The following CDON variants were observed in gnomAD, a reference collection of about 807,000 sequenced individuals.
CDON encodes the protein cell adhesion associated, oncogene regulated, also known as cell adhesion molecule-related/down-regulated by oncogenes.
A neutral mutation model predicts 120.9 loss-of-function variants in CDON; 73 were observed. The observed-to-expected ratio is 0.60, with a 90% CI of 0.50 to 0.73. The LOEUF (loss-of-function observed/expected upper bound fraction) is 0.73. Ranked by LOEUF, CDON falls within the 30% of genes least tolerant of loss-of-function variation. The pLI is 0.00. For missense variants in CDON, 1,470 were observed against 1,587.3 expected, an observed-to-expected ratio of 0.93 and a Z score of 1.26; for synonymous variants, 566 against 573.5, an observed-to-expected ratio of 0.99 and a Z score of 0.19.
At chr11:126,009,051 C>A (rs1947214399) in intron 8 of CDON, among the ~76,000 whole-genome samples, 1 of 152,196 alleles carries the variant, frequency 6.6e-6, no homozygotes, top group South Asian at 2.1e-4. Context: ...ATACCTGTTA[C>A]ACAGATGAGG....
At chr11:126,020,893 G>A (rs931287140) in intron 3 of CDON, among the ~76,000 whole-genome samples, 44 of 151,872 alleles carry the variant, frequency 2.9e-4, no homozygotes, top group Non-Finnish European at 2.8e-4. Context: ...AGCTTTTGTT[G>A]TTAATGATAT....
intron 1 of CDON, among the ~76,000 whole-genome samples, chr11:126,032,075 T>C (rs1025075601): frequency 5.9e-5 from 9 of 152,160 alleles, no homozygotes; most frequent in Non-Finnish European, 1.0e-4. Flanking sequence ...TGAAAAGCAA[T>C]AGACATGCTT....
intron 1 of CDON, among the ~76,000 whole-genome samples, chr11:126,024,973 G>A (rs1947752524): frequency 6.6e-6 from 1 of 152,154 alleles, no homozygotes. Flanking sequence ...GGGAAGCTGA[G>A]GAAGGCGGAT....
rs544373654 is a variant in CDON, at chr11:126,057,214, T to G, written c.-62+5365A>C. Among the ~76,000 whole-genome samples, 12 of 152,316 alleles carry G rather than the reference T, an allele frequency of 7.9e-5. No individual in the cohort carries two copies. The East Asian group carries it at 2.1e-3, about 27-fold the overall frequency. The stretch of plus-strand genomic sequence containing the variant: ...TAGCCATTGGGATCTGATTTTCTAG[T>G]AATGTAGGAAGAAGTGTTATTTTCT... On this transcript the variant is annotated intron_variant, in intron 1 of 19. Coordinates refer to ENST00000531738, the MANE Select transcript of CDON (RefSeq NM_001378964.1).
At chr11:125,961,239 G>T in intron 19 of CDON, 134 bp from the exon 20 acceptor site, 1 of 829,376 alleles carries the variant, frequency 1.2e-6, no homozygotes, top group Non-Finnish European at 2.0e-6. Context: ...TTTGTGTGTG[G>T]TTTGAATTTG....
chr11:126,027,086 G>A (rs1480704497), intron 1 of CDON, among the ~76,000 whole-genome samples: 3 of 152,030 alleles, frequency 2.0e-5, no homozygotes, highest in African/African-American at 4.8e-5. Flanking sequence ...TACTCTCTAC[G>A]TGCTCTCAGT....
chr11:125,973,418 G>T (rs1475318846), intron 18 of CDON, among the ~76,000 whole-genome samples: 4 of 152,204 alleles, frequency 2.6e-5, no homozygotes, highest in Non-Finnish European at 5.9e-5. Context: ...TGTAATCCCA[G>T]CTACTTGGGA....
chr11:125,992,818 GA>G (rs1209272452), intron 14 of CDON, among the ~76,000 whole-genome samples: 1 of 152,144 alleles, frequency 6.6e-6, no homozygotes. Flanking sequence ...AAGTCATATG[GA>G]AAATAACCTT....
chr11:125,958,389 CAGT>C lies in CDON; in HGVS notation c.*2550_*2552del, dbSNP rs999186654. ...AGCACCGAGCACAGTGCCTGGTACA[CAGT>C]AGTTATTCAGCACGTGTTAGTGCTG... On this transcript the variant is annotated 3_prime_UTR_variant, in exon 20 of 20. Transcript: ENST00000531738. 1.3e-5 allele frequency: 2 copies of C among 152,068 alleles called. No individual in the cohort carries two copies. The highest frequency in any genetic ancestry group is 2.4e-5 in the African/African-American group (1 of 41,386). 9.4% of individuals were successfully genotyped at this position (152,068 alleles called of 1,614,324 possible).
In CDON at chr11:125,981,217, G is replaced by T; in HGVS notation, c.3108C>A (p.Phe1036Leu). The change falls in exon 17 of 20, where the codon TTC becomes TTA. Residue 1036 changes from phenylalanine (F) to leucine (L), a missense_variant. By Grantham distance (22) the Phe-to-Leu change is conservative. Transcript: ENST00000531738. ...SQINGNVHGG[F>L]LTNGGLSSGY... ...CACTGCTGAGACCGCCATTGGTTAG[G>T]AAGCCTCCGTGAACATTTCCATTTA... 13 of 1,614,188 alleles carry T rather than the reference G, an allele frequency of 8.1e-6. No individual in the cohort carries two copies. Among genetic ancestry groups the T allele is most frequent in the Non-Finnish European group, 1.1e-5 (13 of 1,180,032 alleles).
rs1193053529 is a variant in CDON at position 125,961,866 on chromosome 11, G to A, written c.3489C>T (p.Ser1163=). ...SHVKVPVCLT[S]AVPDCGQLPE... ...GCAACTGGCCACAATCAGGGACTGCGGAAGTCAGGCATACAGGCACCTTCA... is the reference window on the plus strand; with the variant it reads ...GCAACTGGCCACAATCAGGGACTGCAGAAGTCAGGCATACAGGCACCTTCA... The change falls in exon 19 of 20, where the codon TCC becomes TCT. Residue 1163 remains serine (S), a synonymous_variant. Coordinates refer to ENST00000531738, the MANE Select transcript of CDON (RefSeq NM_001378964.1). 14 of 1,614,088 alleles carry A rather than the reference G, an allele frequency of 8.7e-6. No homozygotes were observed. Among genetic ancestry groups the A allele is most frequent in the Middle Eastern group, 1.6e-4 (1 of 6,084 alleles).
chr11:125,994,954 G>C lies in CDON; in HGVS notation c.2461C>G (p.Arg821Gly), dbSNP rs764804321. 12 of 1,614,064 alleles carry C rather than the reference G, an allele frequency of 7.4e-6. No individual in the cohort carries two copies. Among genetic ancestry groups the C allele is most frequent in the Non-Finnish European group, 1.0e-5 (12 of 1,179,950 alleles). The change falls in exon 13 of 20, where the codon CGC (arginine) becomes GGC (glycine). Residue 821 changes from arginine (R) to glycine (G), a missense_variant. By Grantham distance (125) the Arg-to-Gly change is moderately radical (BLOSUM62 -2). Coordinates refer to ENST00000531738, the MANE Select transcript of CDON (RefSeq NM_001378964.1). Reference sequence around the variant, plus strand: ...CCAGTTATTGGACGGCTGGAAAAGCGATTGGGGAACCCAACCACTTGATAA... The same window carrying C: ...CCAGTTATTGGACGGCTGGAAAAGCCATTGGGGAACCCAACCACTTGATAA... The part of the protein sequence containing the change: ...RPYQVVGFPN[R>G]FSSRPITGPH...
At chr11:126,004,489 ATTATG>A (rs755584915) in intron 9 of CDON, 21 of 179,960 alleles carry the variant, frequency 1.2e-4, no homozygotes, top group African/African-American at 2.2e-4. Context: ...ACAATATTAT[ATTATG>A]TTATATGTAT....
intron 1 of CDON, among the ~76,000 whole-genome samples, chr11:126,051,917 G>A (rs1948569149): frequency 1.3e-5 from 2 of 151,946 alleles, no homozygotes; most frequent in South Asian, 4.1e-4. Flanking sequence ...CCAAAGTTCT[G>A]GGATTACAGG....
rs1947277424 is a variant in CDON at position 126,010,713 on chromosome 11, A to G, written c.1199-19T>C. ...CCACCGTCTATTAAAAAAGTAATTC[A>G]CATATGAAAAATGAAGAACATTGTA... On this transcript the variant is annotated intron_variant, in intron 7 of 19. Coordinates refer to ENST00000531738, the MANE Select transcript of CDON (RefSeq NM_001378964.1). 3 of 1,596,916 alleles carry G rather than the reference A, an allele frequency of 1.9e-6. No homozygotes were observed. The highest frequency in any genetic ancestry group is 1.3e-5 in the African/African-American group (1 of 74,590).
chr11:125,967,619 G>C (rs995448390), intron 18 of CDON, among the ~76,000 whole-genome samples: 1 of 152,130 alleles, frequency 6.6e-6, no homozygotes, highest in Non-Finnish European at 1.5e-5. Context: ...GCATTGCTCT[G>C]CAAGAATCTG....
At chr11:125,988,803 A>C (rs900112750) in intron 15 of CDON, among the ~76,000 whole-genome samples, 2 of 152,228 alleles carry the variant, frequency 1.3e-5, no homozygotes, top group Non-Finnish European at 2.9e-5. Context: ...AGCAACTGCT[A>C]ATTCTAAACT....
At chr11:125,981,402 GCATGCACACATGCACATACGCACA>G (rs929059377) in intron 16 of CDON, 73 bp from the exon 17 acceptor site, 191 of 1,455,472 alleles carry the variant, frequency 1.3e-4, no homozygotes, top group Middle Eastern at 1.9e-4. Context: ...ACGCACACAC[GCATGCACACATGCACATACGCACA>G]CACGCACACA....
intron 15 of CDON, among the ~76,000 whole-genome samples, chr11:125,988,586 G>A (rs1946534004): frequency 1.3e-5 from 2 of 152,180 alleles, no homozygotes; most frequent in South Asian, 4.1e-4. Context: ...AGCCTACTGA[G>A]AGGAGATTGT....
Sources: allele counts gnomAD v4.1 joint callset (sites outside exome capture counted in the v4.1 genomes callset), GRCh38; gene constraint gnomAD v4.1.1; transcripts MANE v1.5; gene names NCBI Gene and HGNC (gene_info 2026-07-23, HGNC 2026-07-21).